Variants in GRSF1 observed in about 807,000 individuals in gnomAD.
GRSF1 encodes G-rich RNA sequence binding factor 1.
In GRSF1, 50 loss-of-function variants were observed where a neutral mutation model predicts 51.1. That is an observed-to-expected ratio of 0.98 (90% CI 0.78 to 1.24). The LOEUF is 1.24. Ranked by LOEUF, GRSF1 falls within the 50% of genes most tolerant of loss-of-function variation. GRSF1 has a pLI of 0.00. For synonymous variants in GRSF1, 293 were observed against 253.3 expected, an observed-to-expected ratio of 1.16 and a Z score of -1.49; for missense variants, 700 against 639.7, an observed-to-expected ratio of 1.09 and a Z score of -1.02.
At chr4:70,829,472 A>C (rs751009535) in intron 5 of GRSF1, among the ~76,000 whole-genome samples, 15 of 151,966 alleles carry the variant, frequency 9.9e-5, no homozygotes, top group Non-Finnish European at 2.1e-4. Context: ...CTTGGGCAAC[A>C]TGCAAAACCC....
chr4:70,830,217 A>G (rs1733902963), intron 5 of GRSF1, among the ~76,000 whole-genome samples: 1 of 152,124 alleles, frequency 6.6e-6, no homozygotes, highest in South Asian at 2.1e-4. Context: ...ACTTGAGCCC[A>G]TGAGTTTGAG....
chr4:70,828,874 A>G (rs180816707), intron 5 of GRSF1, among the ~76,000 whole-genome samples: 1,744 of 152,060 alleles, frequency 0.011, 32 homozygotes, highest in African/African-American at 0.04. Context: ...AGTAGCTGGA[A>G]TTACAGGCGC....
At chr4:70,838,883 G>C (rs1435799345) in intron 1 of GRSF1, 1 of 324,544 alleles carries the variant, frequency 3.1e-6, no homozygotes, top group African/African-American at 2.2e-5. Context: ...TGTATGAGTG[G>C]AGTTGCAGAG....
In GRSF1 at chr4:70,838,314, A is replaced by C. The variant is rs759874955; in HGVS notation, c.357+1157T>G. On this transcript the variant is annotated intron_variant, in intron 1 of 9. Transcript: ENST00000254799. ...GTAGATGCTCTACAGATATCACCGC[A>C]GTCAATTTCATAGAAAAAAAAAGAG... Among the ~76,000 whole-genome samples the C allele has an allele frequency of 1.7e-4, 26 of 151,770 alleles. 1 individual carries two copies. The highest frequency in any genetic ancestry group is 3.2e-4 in the Non-Finnish European group (22 of 67,990).
At chr4:70,834,299 C>T (rs1734105660) in intron 2 of GRSF1, among the ~76,000 whole-genome samples, 1 of 151,052 alleles carries the variant, frequency 6.6e-6, no homozygotes, top group East Asian at 1.9e-4. Context: ...GATACAGAAA[C>T]TAAAAAAAAA....
intron 3 of GRSF1, among the ~76,000 whole-genome samples, chr4:70,832,865 T>C (rs893391376): frequency 6.6e-6 from 1 of 152,190 alleles, no homozygotes; most frequent in Non-Finnish European, 1.5e-5. Context: ...GGAGAATTGC[T>C]TGAACCCAGG....
At chr4:70,837,652 T>G (rs1357954833) in intron 1 of GRSF1, among the ~76,000 whole-genome samples, 1 of 151,888 alleles carries the variant, frequency 6.6e-6, no homozygotes, top group Non-Finnish European at 1.5e-5. Context: ...TCTTTTCTTT[T>G]TTCTTGAGAC....
Position 70,827,835 on chromosome 4 carries a change from A to T in GRSF1, c.1135+17T>A. ...CAAGATAGACCCAATGAGTCTCAAG[A>T]AGAGGCAGGACCTTACCTATTTCCT... On this transcript the variant is annotated intron_variant, in intron 6 of 9. Coordinates refer to ENST00000254799, the MANE Select transcript of GRSF1 (RefSeq NM_002092.4). 1 of 1,566,102 alleles carries T rather than the reference A, an allele frequency of 6.4e-7. No homozygotes were observed. The highest frequency in any genetic ancestry group is 8.7e-7 in the Non-Finnish European group (1 of 1,148,936).
At chr4:70,822,111 G>A (rs983998514) in intron 9 of GRSF1, among the ~76,000 whole-genome samples, 1 of 151,560 alleles carries the variant, frequency 6.6e-6, no homozygotes, top group Non-Finnish European at 1.5e-5. Flanking sequence ...ATATTTAATC[G>A]AGGCAAGGAA....
At chr4:70,830,944 A>C (rs533849284) in intron 5 of GRSF1, among the ~76,000 whole-genome samples, 1 of 152,226 alleles carries the variant, frequency 6.6e-6, no homozygotes, top group Non-Finnish European at 1.5e-5. Context: ...AAATTTTTTT[A>C]AAAGATGCAT....
chr4:70,827,868 T>C lies in GRSF1; in HGVS notation c.1119A>G (p.Glu373=), dbSNP rs754236604. The C allele has an allele frequency of 1.9e-6, 3 of 1,611,360 alleles. No homozygotes were observed. The highest frequency in any genetic ancestry group is 2.5e-6 in the Non-Finnish European group (3 of 1,178,406). ...GGACCTTACCTATTTCCTTCTCACT[T>C]TCAAAAGCTGTCATGGGTTGAATAT... The part of the protein sequence containing the change: ...NEDIQPMTAF[E]SEKEIELPKE... Residue 373 remains glutamate (E), a synonymous_variant, in exon 6 of 10, where the codon GAA becomes GAG. Coordinates refer to ENST00000254799, the MANE Select transcript of GRSF1 (RefSeq NM_002092.4).
chr4:70,832,333 T>C lies in GRSF1; in HGVS notation c.788A>G (p.Glu263Gly). 1 of 1,613,690 alleles carries C rather than the reference T, an allele frequency of 6.2e-7. No homozygotes were observed. The highest frequency in any genetic ancestry group is 8.5e-7 in the Non-Finnish European group (1 of 1,179,654). Reference sequence around the variant, plus strand: ...TGCAAAGAAGTCTACAATGTCTTTCTCATTGCAACTATAAGGAAGTCCTCT... The same window carrying C: ...TGCAAAGAAGTCTACAATGTCTTTCCCATTGCAACTATAAGGAAGTCCTCT... ...RLRGLPYSCN[E>G]KDIVDFFAGL... Residue 263 changes from glutamate to glycine, a missense_variant, in exon 4 of 10, where the codon GAG becomes GGG. Physicochemically the swap from Glu to Gly is moderately conservative, Grantham distance 98 (BLOSUM62 -2). Coordinates refer to ENST00000254799, the MANE Select transcript of GRSF1 (RefSeq NM_002092.4).
In GRSF1 at chr4:70,833,810, C is replaced by T. The variant is rs562201857; in HGVS notation, c.515-537G>A. Among the ~76,000 whole-genome samples the T allele has an allele frequency of 3.3e-5, 5 of 152,260 alleles. No individual in the cohort carries two copies. In the East Asian group the frequency reaches 9.7e-4, roughly 29 times the overall value. On this transcript the variant is annotated intron_variant, in intron 2 of 9. Coordinates refer to ENST00000254799, the MANE Select transcript of GRSF1 (RefSeq NM_002092.4). ...CTGGGATTACAGGCATCAGCCACCACACCCAGCCTTTTTCCCCTTTTCATA... is the reference window on the plus strand; with the variant it reads ...CTGGGATTACAGGCATCAGCCACCATACCCAGCCTTTTTCCCCTTTTCATA...
chr4:70,818,352 T>G lies in GRSF1; in HGVS notation c.*2535A>C, dbSNP rs918210841. 3.3e-5 allele frequency: 5 copies of G among 151,944 alleles called. No homozygotes were observed. The highest frequency in any genetic ancestry group is 1.2e-4 in the African/African-American group (5 of 41,338). The allele number at this position is 151,944 out of a possible 1,614,324, so 9.4% of individuals were successfully genotyped here. On this transcript the variant is annotated 3_prime_UTR_variant, in exon 10 of 10. Coordinates refer to ENST00000254799, the MANE Select transcript of GRSF1 (RefSeq NM_002092.4). ...AATAACTTTCCAAATGAGAACTGAG[T>G]AAGGGCTGTTCAGGGCAGAGGACAT... is the stretch of plus-strand genomic sequence containing the variant.
chr4:70,825,842 G>A, intron 7 of GRSF1: 1 of 336,340 alleles, frequency 3.0e-6, no homozygotes, highest in Non-Finnish European at 5.4e-6. Flanking sequence ...CAAGGCGGAA[G>A]AAATGCTTGA....
intron 1 of GRSF1, chr4:70,839,148 G>A (rs1317220146): frequency 7.5e-7 from 1 of 1,327,078 alleles, no homozygotes; most frequent in East Asian, 4.8e-5. Context: ...GATGCGAGGT[G>A]GGGGCGTCAG....
intron 9 of GRSF1, among the ~76,000 whole-genome samples, chr4:70,823,939 T>C (rs1022286239): frequency 2.0e-5 from 3 of 148,324 alleles, no homozygotes; most frequent in South Asian, 2.2e-4. Context: ...ATTATTAGTT[T>C]ATCAATAGCA....
intron 9 of GRSF1, among the ~76,000 whole-genome samples, chr4:70,823,973 TC>T (rs1322112462): frequency 1.2e-3 from 68 of 57,856 alleles, no homozygotes; most frequent in African/African-American, 2.1e-3. Flanking sequence ...GTTGTATCTC[TC>T]TCTTTTTTTT....
Position 70,839,667 on chromosome 4 carries a change from C to A in GRSF1, c.161G>T (p.Gly54Val). ...SGRRRLLLLL[G>V]AAAAAASQTR... Reference sequence around the variant, plus strand: ...CTGGGAGGCAGCGGCCGCGGCGGCCCCGAGCAGCAGCAGCAGGCGGCGGCG... The same window carrying A: ...CTGGGAGGCAGCGGCCGCGGCGGCCACGAGCAGCAGCAGCAGGCGGCGGCG... Residue 54 changes from glycine (G) to valine (V), a missense_variant, in exon 1 of 10, where the codon GGG becomes GTG. Gly to Val is a moderately radical substitution (Grantham distance 109, BLOSUM62 -3). Transcript: ENST00000254799. The A allele has an allele frequency of 7.0e-7, 1 of 1,421,576 alleles. No homozygotes were observed. The allele number at this position is 1,421,576 out of a possible 1,614,324, so 88.1% of individuals were successfully genotyped here.
Sources: allele counts gnomAD v4.1 joint callset (sites outside exome capture counted in the v4.1 genomes callset), GRCh38; gene constraint gnomAD v4.1.1; transcripts MANE v1.5; gene names NCBI Gene and HGNC (gene_info 2026-07-23, HGNC 2026-07-21).